Variants in CFAP70 observed in about 807,000 individuals in gnomAD.
CFAP70 encodes cilia- and flagella-associated protein 70.
In CFAP70, 81 loss-of-function variants were observed where a neutral mutation model predicts 137.6. That is an observed-to-expected ratio of 0.59 (90% CI 0.49 to 0.71). CFAP70 has a LOEUF of 0.71. Among genes scored for constraint, CFAP70 ranks in the 30% least tolerant of loss-of-function variants. The pLI is 0.00. For missense variants in CFAP70, 976 were observed against 1,226.7 expected (o/e 0.80, Z 3.05); for synonymous variants, 382 against 423.6 (o/e 0.90, Z 1.20).
At chr10:73,262,924 T>C (rs2045404697) in intron 25 of CFAP70, among the ~76,000 whole-genome samples, 1 of 152,188 alleles carries the variant, frequency 6.6e-6, no homozygotes, top group Non-Finnish European at 1.5e-5. Context: ...ATTAGAGATA[T>C]GATTCAATTT....
chr10:73,330,293 T>C (rs1445377495), intron 8 of CFAP70, among the ~76,000 whole-genome samples: 1 of 151,662 alleles, frequency 6.6e-6, no homozygotes, highest in African/African-American at 2.4e-5. Flanking sequence ...CTGCTAAAAA[T>C]ACAAAAATTA....
chr10:73,295,490 T>C (rs1488654241), intron 15 of CFAP70: 1 of 152,218 alleles, frequency 6.6e-6, no homozygotes, highest in Non-Finnish European at 1.5e-5. Context: ...TTCATCTGTT[T>C]CTTGATTGCT....
At chr10:73,350,970 T>C (rs1399688449) in intron 3 of CFAP70, among the ~76,000 whole-genome samples, 1 of 149,334 alleles carries the variant, frequency 6.7e-6, no homozygotes, top group Non-Finnish European at 1.5e-5. Flanking sequence ...TGTGTGTATA[T>C]GTATGTGTGT....
chr10:73,340,939 G>A (rs74494154), intron 6 of CFAP70, among the ~76,000 whole-genome samples: 5,974 of 152,182 alleles, frequency 0.039, 326 homozygotes, highest in African/African-American at 0.12. Context: ...ACATGGGAGG[G>A]CACTTGTTCC....
chr10:73,331,106 T>C (rs2052027885), intron 8 of CFAP70, 71 bp downstream of exon 9: 4 of 1,070,010 alleles, frequency 3.7e-6, no homozygotes, highest in African/African-American at 3.2e-5. Context: ...GGTATCAGAA[T>C]TGAAGCAGAA....
At chr10:73,350,947 GTGTGTGTGTA>G (rs1254858845) in intron 3 of CFAP70, among the ~76,000 whole-genome samples, 1 of 150,198 alleles carries the variant, frequency 6.7e-6, no homozygotes, top group African/African-American at 2.5e-5. Context: ...ATATATGTGT[GTGTGTGTGTA>G]TGTGTGTGTA....
intron 9 of CFAP70, among the ~76,000 whole-genome samples, chr10:73,319,193 GTTTC>G (rs1564835422): frequency 1.3e-5 from 2 of 152,304 alleles, no homozygotes; most frequent in East Asian, 3.9e-4. Context: ...ATGTCCTTGA[GTTTC>G]TTTCTGAGCT....
intron 4 of CFAP70, among the ~76,000 whole-genome samples, chr10:73,345,677 C>T (rs923541001): frequency 1.6e-4 from 24 of 151,812 alleles, no homozygotes; most frequent in African/African-American, 4.1e-4. Context: ...TGGTGGTGCG[C>T]GCCTGTAGTC....
intron 12 of CFAP70, among the ~76,000 whole-genome samples, chr10:73,304,415 A>G (rs1438565934): frequency 6.6e-6 from 1 of 152,078 alleles, no homozygotes. Flanking sequence ...GTTTTTAAAA[A>G]CTCAAGAACT....
intron 2 of CFAP70, 77 bp downstream of exon 2, chr10:73,354,657 G>A (rs2054531984): frequency 4.0e-6 from 5 of 1,243,760 alleles, no homozygotes; most frequent in African/African-American, 3.0e-5. Flanking sequence ...TGGAGGTAGA[G>A]AATGAAGCAA....
intron 19 of CFAP70, among the ~76,000 whole-genome samples, chr10:73,280,262 A>C (rs2047162635): frequency 6.6e-6 from 1 of 152,204 alleles, no homozygotes; most frequent in Non-Finnish European, 1.5e-5. Flanking sequence ...TGAGGCTAGG[A>C]GTTTGAGACC....
intron 12 of CFAP70, among the ~76,000 whole-genome samples, chr10:73,304,465 A>G (rs1398320338): frequency 6.6e-6 from 1 of 152,242 alleles, no homozygotes; most frequent in Admixed American, 6.5e-5. Flanking sequence ...TAAGCAGGTA[A>G]TTCTCAAAAG....
Position 73,311,819 on chromosome 10 carries a change from T to C in CFAP70, c.1164+15A>G, listed in dbSNP as rs762733159. ...TTAACTTAAACTTAATTTTCCAAAC[T>C]TCATGCACAATTACCTGTCCTTCAG... On this transcript the variant is annotated intron_variant, in intron 11 of 26. Coordinates refer to ENST00000310715, the Ensembl canonical transcript of CFAP70. The C allele has an allele frequency of 1.1e-5, 17 of 1,601,476 alleles. No homozygotes were observed. In the Admixed American group the frequency reaches 1.5e-4, roughly 14 times the overall value.
chr10:73,293,400 C>G lies in CFAP70; in HGVS notation c.1645-12G>C, dbSNP rs2048316169. ...TCATCTGGCATGGTCTTGTCAATGT[C>G]AAGATGTTAGGTAGACAAAAATGAA... On this transcript the variant is annotated splice_polypyrimidine_tract_variant and intron_variant, in intron 15 of 26. Transcript: ENST00000310715. The G allele has an allele frequency of 6.3e-7, 1 of 1,575,992 alleles. No individual in the cohort carries two copies. Among genetic ancestry groups the G allele is most frequent in the Non-Finnish European group, 8.6e-7 (1 of 1,163,026 alleles).
At chr10:73,324,218 G>A (rs2132228811) in intron 8 of CFAP70, among the ~76,000 whole-genome samples, 1 of 152,332 alleles carries the variant, frequency 6.6e-6, no homozygotes, top group Non-Finnish European at 1.5e-5. Context: ...TGATACCCAG[G>A]CAAACAGGGT....
At chr10:73,345,385 C>T in intron 4 of CFAP70, 141 bp from the exon 6 acceptor site, 1 of 771,416 alleles carries the variant, frequency 1.3e-6, no homozygotes. Flanking sequence ...ACCATGTTCT[C>T]TAAGTCCCAT....
intron 24 of CFAP70, 23 bp from the exon 26 acceptor site, chr10:73,269,738 T>C: frequency 6.7e-7 from 1 of 1,502,768 alleles, no homozygotes; most frequent in Admixed American, 1.7e-5. Context: ...ATGAGACATG[T>C]GAGTTAGCTT....
At chr10:73,261,034 T>C (rs1222922297) in intron 25 of CFAP70, among the ~76,000 whole-genome samples, 1 of 152,232 alleles carries the variant, frequency 6.6e-6, no homozygotes, top group African/African-American at 2.4e-5. Flanking sequence ...CAAACTGTTT[T>C]CCAAAGTGGT....
intron 12 of CFAP70, among the ~76,000 whole-genome samples, chr10:73,305,896 A>C (rs2049335406): frequency 6.6e-6 from 1 of 152,230 alleles, no homozygotes; most frequent in Non-Finnish European, 1.5e-5. Flanking sequence ...CAACTTTACT[A>C]TACACACTCA....
Sources: gnomAD v4.1 joint callset for allele counts (sites outside exome capture counted in the v4.1 genomes callset) on GRCh38, gnomAD v4.1.1 for gene constraint, MANE v1.5 for transcripts, NCBI Gene and HGNC (gene_info 2026-07-23, HGNC 2026-07-21) for gene names.